GPR35: variants seen among roughly 807,000 people sequenced by gnomAD.
GPR35 encodes the protein G protein-coupled receptor 35.
For missense variants in GPR35, 372 were observed against 422.5 expected (o/e 0.88, Z 1.05); for synonymous variants, 207 against 198.4 (o/e 1.04, Z -0.36).
At chr2:240,620,230 G>A (rs2043278203) in intron 5 of GPR35, among the ~76,000 whole-genome samples, 1 of 152,184 alleles carries the variant, frequency 6.6e-6, no homozygotes, top group South Asian at 2.1e-4. Flanking sequence ...TGAGCTGGCG[G>A]GGGTGGCCCA....
rs375252029 is a variant in GPR35, at chr2:240,630,791, C to T, written c.839C>T (p.Ala280Val). 6 of 1,613,338 alleles carry T rather than the reference C, an allele frequency of 3.7e-6. No homozygotes were observed. In the Admixed American group the frequency reaches 6.7e-5, roughly 18 times the overall value. ...CLDAICYYYMAKEFQEASALA... is the reference protein window; with the variant it reads ...CLDAICYYYMVKEFQEASALA... ...GACGCCATCTGCTACTACTACATGGCCAAGGAGTTCCAGGAGGCGTCTGCA... is the reference window on the plus strand; with the variant it reads ...GACGCCATCTGCTACTACTACATGGTCAAGGAGTTCCAGGAGGCGTCTGCA... Residue 280 changes from alanine (A) to valine (V), a missense_variant, in exon 2 of 2, where the codon GCC becomes GTC. By Grantham distance (64) the Ala-to-Val change is moderately conservative. Transcript: ENST00000407714.
At chr2:240,623,386 C>CGCAAACAGGTCGTGAGGGT (rs2043325938), upstream of GPR35, among the ~76,000 whole-genome samples, 1 of 60,730 alleles carries the variant, frequency 1.6e-5, no homozygotes, top group Non-Finnish European at 4.0e-5. Context: ...GTCGTGAGGG[C>CGCAAACAGGTCGTGAGGGT]GCAAACAGGT....
chr2:240,620,695 C>T (rs957881360), upstream of GPR35, among the ~76,000 whole-genome samples: 1 of 152,086 alleles, frequency 6.6e-6, no homozygotes, highest in African/African-American at 2.4e-5. Flanking sequence ...TCACAGGAGG[C>T]TGAGCACAGG....
intron 1 of GPR35, chr2:240,627,666 G>A (rs564703471): frequency 4.9e-4 from 64 of 131,524 alleles, no homozygotes; most frequent in African/African-American, 1.5e-3. Context: ...GTAGAGACGG[G>A]GTCTCCCTGT....
upstream of GPR35, among the ~76,000 whole-genome samples, chr2:240,623,481 C>CGCAAACAGGTCGTGAGGGT (rs1341302646): frequency 0.15 from 6,669 of 43,930 alleles, 1,330 homozygotes; most frequent in South Asian, 0.26. Context: ...GTCGTGAGGG[C>CGCAAACAGGTCGTGAGGGT]GCAAACAGGT....
upstream of GPR35, among the ~76,000 whole-genome samples, chr2:240,621,197 G>A (rs1278041607): frequency 2.0e-5 from 3 of 152,220 alleles, no homozygotes; most frequent in Admixed American, 1.3e-4. Context: ...GCGCTTGAAG[G>A]GACACCAGAA....
rs1013697120 is a variant in GPR35, at chr2:240,632,501, A to G, written c.*1619A>G. Among the ~76,000 whole-genome samples the G allele has an allele frequency of 6.7e-6, 1 of 148,450 alleles. No homozygotes were observed. The highest frequency in any genetic ancestry group is 2.5e-5 in the African/African-American group (1 of 39,906). Reference sequence around the variant, plus strand: ...CATGCCCAGGAAGGTCCAGCCCAGGAGGGTCCATGTCAAGGAGGTTCCATG... The same window carrying G: ...CATGCCCAGGAAGGTCCAGCCCAGGGGGGTCCATGTCAAGGAGGTTCCATG... On this transcript the variant is annotated 3_prime_UTR_variant, in exon 2 of 2. Transcript: ENST00000407714.
intron 3 of GPR35, among the ~76,000 whole-genome samples, chr2:240,616,741 T>TA (rs767683322): frequency 0.23 from 22,603 of 99,870 alleles, 2,906 homozygotes; most frequent in East Asian, 0.38. Flanking sequence ...AACAATACAG[T>TA]AAAAAAAAAA....
At chr2:240,608,424 C>T (rs73110009) in intron 2 of GPR35, among the ~76,000 whole-genome samples, 303 of 152,234 alleles carry the variant, frequency 2.0e-3, no homozygotes, top group African/African-American at 6.9e-3. Flanking sequence ...ATCTTTATCA[C>T]GTTGAGGAAG....
chr2:240,630,063 C>G lies in GPR35; in HGVS notation c.111C>G (p.Leu37=), dbSNP rs1419650268. ...TCCTGCTGGTGCTAGGCCTGCTGCT[C>G]AACAGCCTGGCGCTCTGGGTGTTCT... The part of the protein sequence containing the change: ...LGVLLVLGLL[L]NSLALWVFCC... The change falls in exon 2 of 2, where the codon CTC becomes CTG. Residue 37 remains leucine (L), a synonymous_variant. Coordinates refer to ENST00000407714, the MANE Select transcript of GPR35 (RefSeq NM_005301.5). 6.2e-7 allele frequency: 1 copy of G among 1,612,164 alleles called. No individual in the cohort carries two copies. Among genetic ancestry groups the G allele is most frequent in the Admixed American group, 1.7e-5 (1 of 60,032 alleles).
At chr2:240,617,309 A>C in exon 4 of GPR35, 1 of 708,260 alleles carries the variant, frequency 1.4e-6, no homozygotes, top group Non-Finnish European at 2.6e-6. Context: ...CCCTGAGCAG[A>C]GGACCCAGTT....
rs930806970 is a variant in GPR35, at chr2:240,632,953, T to C, written c.*2071T>C. Reference sequence around the variant, plus strand: ...AGGCAATTGGATCATGGGGGCTGTTTCCCACATGCTGTTCTCATGATAGTG... The same window carrying C: ...AGGCAATTGGATCATGGGGGCTGTTCCCCACATGCTGTTCTCATGATAGTG... On this transcript the variant is annotated 3_prime_UTR_variant, in exon 2 of 2. Transcript: ENST00000407714. Among the ~76,000 whole-genome samples the C allele has an allele frequency of 6.6e-6, 1 of 152,240 alleles. No individual in the cohort carries two copies. Among genetic ancestry groups the C allele is most frequent in the Non-Finnish European group, 1.5e-5 (1 of 68,032 alleles).
chr2:240,616,459 C>T (rs376461217), exon 3 of GPR35: 3 of 780,684 alleles, frequency 3.8e-6, no homozygotes, highest in African/African-American at 3.4e-5. Flanking sequence ...AGTTCCCATG[C>T]CTGCCAATCT....
chr2:240,626,003 T>C (rs1161453869), intron 1 of GPR35, among the ~76,000 whole-genome samples: 19 of 22,264 alleles, frequency 8.5e-4, no homozygotes, highest in South Asian at 4.7e-3. Flanking sequence ...GAGGCTGTGA[T>C]GGGGTCTCAG....
chr2:240,622,381 C>T (rs184285538), upstream of GPR35, among the ~76,000 whole-genome samples: 1 of 152,308 alleles, frequency 6.6e-6, no homozygotes, highest in Non-Finnish European at 1.5e-5. Flanking sequence ...CTCTGGCTCT[C>T]CCAGGCTCCT....
upstream of GPR35, among the ~76,000 whole-genome samples, chr2:240,621,938 T>G (rs535815271): frequency 6.6e-6 from 1 of 152,200 alleles, no homozygotes; most frequent in African/African-American, 2.4e-5. Flanking sequence ...AGTAGCACGA[T>G]CTCAGCTCAT....
Position 240,631,856 on chromosome 2 carries a change from AT to A in GPR35, c.*975del, listed in dbSNP as rs2043452621. ...ACCCCATCCTGTCATCCCATATTGC[AT>A]GTCCACAGGCACCGCCCCACCCTGT... On this transcript the variant is annotated 3_prime_UTR_variant, in exon 2 of 2. Transcript: ENST00000407714. Among the ~76,000 whole-genome samples the A allele has an allele frequency of 6.6e-6, 1 of 152,198 alleles. No individual in the cohort carries two copies. Among genetic ancestry groups the A allele is most frequent in the Non-Finnish European group, 1.5e-5 (1 of 68,040 alleles).
At chr2:240,616,169 C>T (rs933601741) in intron 2 of GPR35, among the ~76,000 whole-genome samples, 17 of 152,066 alleles carry the variant, frequency 1.1e-4, no homozygotes, top group Non-Finnish European at 1.6e-4. Context: ...AAAAATGGGA[C>T]GTAGAGGAGC....
chr2:240,616,361 T>C (rs992422319), intron 2 of GPR35: 4 of 748,054 alleles, frequency 5.3e-6, no homozygotes, highest in African/African-American at 5.2e-5. Flanking sequence ...GGCAGCTTCC[T>C]CCTCCGTCTC....
Sources: allele counts gnomAD v4.1 joint callset (sites outside exome capture counted in the v4.1 genomes callset), GRCh38; gene constraint gnomAD v4.1.1; transcripts MANE v1.5; gene names NCBI Gene and HGNC (gene_info 2026-07-23, HGNC 2026-07-21).